Variants in OR2T11 observed in about 807,000 individuals in gnomAD.
The protein encoded by OR2T11 is olfactory receptor family 2 subfamily T member 11.
In OR2T11, 14 loss-of-function variants were observed where a neutral mutation model predicts 13.5. That is an observed-to-expected ratio of 1.04 (90% confidence interval 0.69 to 1.62). The LOEUF (loss-of-function observed/expected upper bound fraction) is 1.62. Among genes scored for constraint, OR2T11 ranks in the 40% most tolerant of loss-of-function variants. OR2T11 has a pLI of 0.00. For missense variants in OR2T11, 410 were observed against 389.7 expected (o/e 1.05, Z -0.44); for synonymous variants, 163 against 154.6 (o/e 1.05, Z -0.40).
Position 248,633,705 on chromosome 1 carries a change from T to G in OR2T11, c.-145+1333A>C. On this transcript the variant is annotated intron_variant, in intron 1 of 1. Coordinates refer to ENST00000641193, the MANE Select transcript of OR2T11 (RefSeq NM_001001964.2). The stretch of plus-strand genomic sequence containing the variant: ...TAGAATACTTCATTAACATCACTGG[T>G]CATTTCAATTAAACACTTTGGAAAT... Among the ~76,000 whole-genome samples, 2 of 12,676 alleles carry G rather than the reference T, an allele frequency of 1.6e-4. 1 individual carries two copies. The highest frequency in any genetic ancestry group is 0.016 in the South Asian group (2 of 122). The allele number at this position is 12,676 out of a possible 152,430, so 8.3% of individuals were successfully genotyped here.
At chr1:248,627,701 A>G (rs35176217) in intron 1 of OR2T11, among the ~76,000 whole-genome samples, 15,067 of 142,838 alleles carry the variant, frequency 0.11, 2,678 homozygotes, top group East Asian at 0.21. Context: ...GTGTCATGAC[A>G]TGGATGTATC....
intron 1 of OR2T11, among the ~76,000 whole-genome samples, chr1:248,630,807 G>C (rs1402112960): frequency 7.0e-6 from 1 of 143,552 alleles, no homozygotes; most frequent in Admixed American, 6.8e-5. Context: ...TGGAACCGAT[G>C]AATATGCTCT....
rs1325219097 is a variant in OR2T11 at position 248,631,696 on chromosome 1, C to T, written c.-145+3342G>A. On this transcript the variant is annotated intron_variant, in intron 1 of 1. Transcript: ENST00000641193. ...CACAAAATTCTCCCTAACTCTTGGG[C>T]AATTCTCAGTCATTACACACCTGCC... 3.5e-5 allele frequency among the ~76,000 whole-genome samples: 5 copies of T among 142,900 alleles called. 1 individual carries two copies. The highest frequency in any genetic ancestry group is 1.4e-4 in the African/African-American group (5 of 36,124). 93.7% of individuals were successfully genotyped at this position (142,900 alleles called of 152,430 possible).
Position 248,634,839 on chromosome 1 carries a change from TA to T in OR2T11, c.-145+198del, listed in dbSNP as rs1190291293. ...GTCTGCGTTTTTCCTTTATGCTAAA[TA>T]ATTATCTAATTATCTTCAGTTTCTC... On this transcript the variant is annotated intron_variant, in intron 1 of 1. Coordinates refer to ENST00000641193, the MANE Select transcript of OR2T11 (RefSeq NM_001001964.2). Among the ~76,000 whole-genome samples the T allele has an allele frequency of 1.4e-5, 2 of 144,114 alleles. 1 individual carries two copies. The highest frequency in any genetic ancestry group is 5.4e-5 in the African/African-American group (2 of 36,784). The allele number at this position is 144,114 out of a possible 152,430, so 94.5% of individuals were successfully genotyped here. A position where few individuals can be genotyped will look rare whatever the true frequency, so the allele number is the denominator to read the frequency against.
rs1660515309 is a variant in OR2T11, at chr1:248,626,235, A to G, written c.894T>C (p.Phe298=). 1 of 1,568,132 alleles carries G rather than the reference A, an allele frequency of 6.4e-7. No individual in the cohort carries two copies. Among genetic ancestry groups the G allele is most frequent in the African/African-American group, 1.5e-5 (1 of 66,906 alleles). The change falls in exon 2 of 2, where the codon TTT becomes TTC. Residue 298 remains phenylalanine (F), a synonymous_variant. Transcript: ENST00000641193. The part of the protein sequence containing the change: ...SLRNKDVIGA[F]KKVFACCSSA... ...ATGAGCAACATGCAAATACCTTTTT[A>G]AATGCCCCTATGACGTCCTTGTTTC...
intron 1 of OR2T11, among the ~76,000 whole-genome samples, chr1:248,630,319 AC>A: frequency 7.0e-6 from 1 of 143,786 alleles, no homozygotes; most frequent in Non-Finnish European, 1.5e-5. Context: ...CTAAGATCAG[AC>A]AGCAATACAA....
In OR2T11 at chr1:248,623,702, C is replaced by T. The variant is rs1660474397; in HGVS notation, c.*2476G>A. ...AGGAATAAGTTTGTAGTAGTAACAG[C>T]AGTTGCTGCTGTTATTTTGTCCTTG... is the stretch of plus-strand genomic sequence containing the variant. On this transcript the variant is annotated 3_prime_UTR_variant, in exon 2 of 2. Transcript: ENST00000641193. 1 of 143,012 alleles carries T rather than the reference C, an allele frequency of 7.0e-6. No individual in the cohort carries two copies. The highest frequency in any genetic ancestry group is 2.8e-5 in the African/African-American group (1 of 36,258). The allele number at this position is 143,012 out of a possible 1,614,324, so 8.9% of individuals were successfully genotyped here.
rs141569312 is a variant in OR2T11, at chr1:248,626,351, G to A, written c.778C>T (p.Gln260Ter). 6.4e-6 allele frequency: 10 copies of A among 1,573,274 alleles called. 3 individuals carry two copies. The African/African-American group carries it at 1.2e-4, about 19-fold the overall frequency. The part of the protein sequence containing the change: ...GAAFYTYVLP[Q>*]SFHTPEQDKV... The stretch of plus-strand genomic sequence containing the variant: ...TCCTGCTCGGGGGTGTGGAAGGACT[G>A]GGGCAGCACGTATGTGTAGAAGGCA... Residue 260 changes from glutamine to a stop codon, truncating the protein, a stop_gained, in exon 2 of 2, where the codon CAG becomes TAG. Coordinates refer to ENST00000641193, the MANE Select transcript of OR2T11 (RefSeq NM_001001964.2). LOFTEE classifies it high-confidence loss of function.
rs1660479578 is a variant in OR2T11 at position 248,624,027 on chromosome 1, T to G, written c.*2151A>C. On this transcript the variant is annotated 3_prime_UTR_variant, in exon 2 of 2. Coordinates refer to ENST00000641193, the MANE Select transcript of OR2T11 (RefSeq NM_001001964.2). Reference sequence around the variant, plus strand: ...AGAAGATACAAACCATCGGAAGGGATCTTAGTTATAACACACGCTCTGCCT... The same window carrying G: ...AGAAGATACAAACCATCGGAAGGGAGCTTAGTTATAACACACGCTCTGCCT... 7.1e-6 allele frequency: 1 copy of G among 140,310 alleles called. No homozygotes were observed. The highest frequency in any genetic ancestry group is 6.9e-5 in the Admixed American group (1 of 14,418). The allele number at this position is 140,310 out of a possible 1,614,324, so 8.7% of individuals were successfully genotyped here. A position where few individuals can be genotyped will look rare whatever the true frequency, so the allele number is the denominator to read the frequency against.
intron 1 of OR2T11, among the ~76,000 whole-genome samples, chr1:248,630,433 A>G (rs1367680605): frequency 1.4e-5 from 2 of 142,310 alleles, no homozygotes; most frequent in Non-Finnish European, 3.0e-5. Flanking sequence ...ATTCACAAAA[A>G]AAGGAGGGAC....
At position 248,630,379 on chromosome 1, in the gene OR2T11, G is replaced by A. The variant is rs1411671991; in HGVS notation, c.-144-3107C>T. Among the ~76,000 whole-genome samples the A allele has an allele frequency of 3.6e-4, 19 of 53,100 alleles. 3 individuals carry two copies. The highest frequency in any genetic ancestry group is 8.9e-4 in the African/African-American group (14 of 15,754). 34.8% of individuals were successfully genotyped at this position (53,100 alleles called of 152,430 possible). A position where few individuals can be genotyped will look rare whatever the true frequency, so the allele number is the denominator to read the frequency against. On this transcript the variant is annotated intron_variant, in intron 1 of 1. Coordinates refer to ENST00000641193, the MANE Select transcript of OR2T11 (RefSeq NM_001001964.2). ...TACAGTACAAATTTGAGACAATTAC[G>A]CTCTGGTTTAAAATACTTATAGAGT...
rs781219468 is a variant in OR2T11 at position 248,626,428 on chromosome 1, G to C, written c.701C>G (p.Ala234Gly). Residue 234 changes from alanine to glycine, a missense_variant, in exon 2 of 2, where the codon GCC (alanine) becomes GGC (glycine). Ala to Gly is a moderately conservative substitution (Grantham distance 60). Transcript: ENST00000641193. Reference sequence around the variant, plus strand: ...CAAGTGGGAGGAACAAGTGGTGAAGGCCTTTTTGCGACCTTCAGCAGAGGG... The same window carrying C: ...CAAGTGGGAGGAACAAGTGGTGAAGCCCTTTTTGCGACCTTCAGCAGAGGG... ...RMPSAEGRKK[A>G]FTTCSSHLTV... 3.2e-6 allele frequency: 5 copies of C among 1,571,720 alleles called. 2 individuals are homozygous for C. The East Asian group carries it at 1.1e-4, about 36-fold the overall frequency.
chr1:248,626,800 A>AAG lies in OR2T11; in HGVS notation c.327_328dup (p.Phe110SerfsTer19). On this transcript the variant is annotated frameshift_variant, in exon 2 of 2. Transcript: ENST00000641193. LOFTEE classifies it high-confidence loss of function. ...GTCATAGGCCATGAGGCCCAGGAGGAAGAACTCAGAACCAATCATGGTCAG... is the reference window on the plus strand; with the variant it reads ...GTCATAGGCCATGAGGCCCAGGAGGAAGAGAACTCAGAACCAATCATGGTCAG... 1 of 1,569,876 alleles carries AAG rather than the reference A, an allele frequency of 6.4e-7. No homozygotes were observed. The highest frequency in any genetic ancestry group is 8.7e-7 in the Non-Finnish European group (1 of 1,155,064).
In OR2T11 at chr1:248,632,561, A is replaced by G. The variant is rs1472459478; in HGVS notation, c.-145+2477T>C. Among the ~76,000 whole-genome samples the G allele has an allele frequency of 2.2e-5, 3 of 136,942 alleles. 1 individual carries two copies. The highest frequency in any genetic ancestry group is 4.6e-5 in the Non-Finnish European group (3 of 64,644). 89.8% of individuals were successfully genotyped at this position (136,942 alleles called of 152,430 possible). On this transcript the variant is annotated intron_variant, in intron 1 of 1. Coordinates refer to ENST00000641193, the MANE Select transcript of OR2T11 (RefSeq NM_001001964.2). ...GAAATGATTATTCACAACTTGAGCC[A>G]GATCAGATTATCTAGACTTCGTTAT...
intron 1 of OR2T11, among the ~76,000 whole-genome samples, chr1:248,628,593 G>C (rs528860062): frequency 3.5e-5 from 5 of 142,616 alleles, no homozygotes; most frequent in African/African-American, 1.4e-4. Context: ...AGGGTTCACT[G>C]TACATCTGAA....
At chr1:248,634,428 TA>T in intron 1 of OR2T11, among the ~76,000 whole-genome samples, 1 of 142,762 alleles carries the variant, frequency 7.0e-6, no homozygotes, top group East Asian at 2.0e-4. Flanking sequence ...TGGCCTTTAT[TA>T]CCTGGGATTT....
intron 1 of OR2T11, 59 bp from the exon 2 acceptor site, chr1:248,627,331 T>C (rs1011889692): frequency 1.9e-6 from 1 of 540,086 alleles, no homozygotes; most frequent in Admixed American, 3.2e-5. Flanking sequence ...TGGCTGCATT[T>C]CCCTGTCAGA....
At chr1:248,634,278 C>T (rs1392984850) in intron 1 of OR2T11, among the ~76,000 whole-genome samples, 3 of 142,416 alleles carry the variant, frequency 2.1e-5, no homozygotes, top group Non-Finnish European at 3.0e-5. Context: ...TTTAACAAAA[C>T]CAAATAAGCT....
intron 1 of OR2T11, among the ~76,000 whole-genome samples, chr1:248,634,701 TCA>T (rs1660661992): frequency 8.8e-6 from 1 of 113,272 alleles, no homozygotes; most frequent in South Asian, 3.3e-4. Context: ...CATTTTGTTT[TCA>T]CAGAATTGTC....
Sources: allele counts gnomAD v4.1 joint callset (sites outside exome capture counted in the v4.1 genomes callset), GRCh38; gene constraint gnomAD v4.1.1; transcripts MANE v1.5; gene names NCBI Gene and HGNC (gene_info 2026-07-23, HGNC 2026-07-21).